ZHX2: variants seen among roughly 807,000 people sequenced by gnomAD.
The protein encoded by ZHX2 is zinc fingers and homeoboxes 2.
ZHX2 carries 6 observed loss-of-function variants against 21.9 expected under a neutral mutation model. The observed-to-expected ratio is 0.27, with a 90% CI of 0.15 to 0.54. The LOEUF (loss-of-function observed/expected upper bound fraction) is 0.54. Among genes scored for constraint, ZHX2 ranks in the 20% least tolerant of loss-of-function variants. The pLI is 0.95. For synonymous variants in ZHX2, 434 were observed against 437.1 expected (o/e 0.99, Z 0.09); for missense variants, 908 against 1,090.7 (o/e 0.83, Z 2.36).
At chr8:122,948,577 T>C (rs1361078132) in intron 2 of ZHX2, among the ~76,000 whole-genome samples, 1 of 152,136 alleles carries the variant, frequency 6.6e-6, no homozygotes, top group Non-Finnish European at 1.5e-5. Flanking sequence ...GATATAAAAA[T>C]GTACTCTAAA....
chr8:122,880,761 T>G (rs1236196394), intron 2 of ZHX2, among the ~76,000 whole-genome samples: 2 of 124,438 alleles, frequency 1.6e-5, no homozygotes. Flanking sequence ...GGCAACAGAG[T>G]GAGACTCCAC....
At position 122,952,670 on chromosome 8, in the gene ZHX2, C is replaced by A. The variant is rs370753355; in HGVS notation, c.1160C>A (p.Thr387Asn). ...ACTCAGGTGACCAGCGGGTCAACAA[C>A]CGTCTCTTGCTCCCCCATCACACTT... ...VLTQVTSGST[T>N]VSCSPITLAV... Residue 387 changes from threonine to asparagine, a missense_variant, in exon 3 of 4, where the codon ACC becomes AAC. Physicochemically the swap from Thr to Asn is moderately conservative, Grantham distance 65 (BLOSUM62 0). This residue lies in a region of ZHX2 where 232 missense variants were observed against 361.8 expected (regional missense o/e 0.64). Transcript: ENST00000314393. This position sits in a 1 kb window ranked among gnomAD's most constrained non-coding sequence, Gnocchi z 6.9. The A allele has an allele frequency of 1.4e-4, 226 of 1,614,200 alleles. 4 individuals carry two copies. In the South Asian group the frequency reaches 2.2e-3, roughly 15 times the overall value.
intron 1 of ZHX2, among the ~76,000 whole-genome samples, chr8:122,816,748 T>A (rs1411461598): frequency 6.6e-6 from 1 of 152,168 alleles, no homozygotes; most frequent in Non-Finnish European, 1.5e-5. Context: ...AATTATCATT[T>A]TAGAGATGAG....
upstream of ZHX2, chr8:122,780,844 C>T (rs535603011): frequency 6.6e-6 from 1 of 152,312 alleles, no homozygotes; most frequent in South Asian, 2.1e-4. Flanking sequence ...CGGGCTCTAC[C>T]AGAGTTTAAG....
At chr8:122,866,558 T>C (rs752185537) in intron 2 of ZHX2, among the ~76,000 whole-genome samples, 45 of 152,238 alleles carry the variant, frequency 3.0e-4, no homozygotes, top group Middle Eastern at 3.4e-3. Context: ...GCCTAGGGGA[T>C]CTAAAACTAT....
intron 2 of ZHX2, among the ~76,000 whole-genome samples, chr8:122,949,121 T>C (rs1414746919): frequency 1.3e-5 from 2 of 152,134 alleles, no homozygotes; most frequent in African/African-American, 4.8e-5. Flanking sequence ...GGTTAGGAGT[T>C]TGAGCCCAGC....
chr8:122,898,308 A>G (rs1455032836), intron 2 of ZHX2, among the ~76,000 whole-genome samples: 3 of 152,180 alleles, frequency 2.0e-5, no homozygotes, highest in Non-Finnish European at 2.9e-5. Context: ...AGCCTCAGGG[A>G]AAGTTGACGG....
At chr8:122,791,592 C>T (rs1817519849) in intron 1 of ZHX2, among the ~76,000 whole-genome samples, 2 of 152,052 alleles carry the variant, frequency 1.3e-5, no homozygotes, top group Admixed American at 6.6e-5. Flanking sequence ...GGGCCGGGTG[C>T]GGTGGCTCAC....
chr8:122,873,432 C>T (rs537548499), intron 2 of ZHX2, among the ~76,000 whole-genome samples: 3 of 152,160 alleles, frequency 2.0e-5, no homozygotes, highest in African/African-American at 7.2e-5. Flanking sequence ...CTCTCCACTC[C>T]CCTGCAGCCC....
chr8:122,951,984 C>A lies in ZHX2; in HGVS notation c.474C>A (p.Thr158=). The part of the protein sequence containing the change: ...NQTVLEQSIE[T]TNHVVSITTS... ...CTGTCTTGGAACAGTCCATCGAAAC[C>A]ACCAACCATGTCGTGTCCATCACCA... Residue 158 remains threonine (T), a synonymous_variant, in exon 3 of 4, where the codon ACC becomes ACA. Transcript: ENST00000314393. The A allele has an allele frequency of 1.2e-6, 2 of 1,613,858 alleles. No homozygotes were observed. The highest frequency in any genetic ancestry group is 1.7e-6 in the Non-Finnish European group (2 of 1,179,980).
chr8:122,938,971 A>G (rs539622013), intron 2 of ZHX2, among the ~76,000 whole-genome samples: 7 of 152,334 alleles, frequency 4.6e-5, no homozygotes, highest in Non-Finnish European at 7.3e-5. Context: ...TTGTCAACAG[A>G]GCTGGGAGGG....
intron 2 of ZHX2, among the ~76,000 whole-genome samples, chr8:122,910,734 CTGGGGGGTGGGGGG>C (rs1820458327): frequency 6.6e-6 from 1 of 151,018 alleles, no homozygotes; most frequent in African/African-American, 2.4e-5. Flanking sequence ...CAGGCCCCTG[CTGGGGGGTGGGGGG>C]TGGGGGGTGA....
At chr8:122,966,081 G>C (rs1045800264) in intron 3 of ZHX2, among the ~76,000 whole-genome samples, 6 of 152,142 alleles carry the variant, frequency 3.9e-5, no homozygotes, top group Non-Finnish European at 7.4e-5. Flanking sequence ...GCAGATACTT[G>C]GTTGGTAGAT....
At chr8:122,819,329 G>A (rs1370942466) in intron 1 of ZHX2, among the ~76,000 whole-genome samples, 1 of 152,212 alleles carries the variant, frequency 6.6e-6, no homozygotes, top group African/African-American at 2.4e-5. Flanking sequence ...AGCCTTATGA[G>A]ATGCTCCATG....
intron 2 of ZHX2, among the ~76,000 whole-genome samples, chr8:122,902,244 A>G (rs1200061194): frequency 6.6e-6 from 1 of 152,198 alleles, no homozygotes; most frequent in East Asian, 1.9e-4. Context: ...GCTGTTGAGG[A>G]TACAAAAATG....
intron 2 of ZHX2, among the ~76,000 whole-genome samples, chr8:122,916,055 G>A (rs1820593276): frequency 6.6e-6 from 1 of 152,204 alleles, no homozygotes; most frequent in African/African-American, 2.4e-5. Flanking sequence ...AGGGCAGATG[G>A]GCCTCTTGCC....
chr8:122,898,492 G>A (rs1017517640), intron 2 of ZHX2, among the ~76,000 whole-genome samples: 4 of 152,194 alleles, frequency 2.6e-5, no homozygotes, highest in African/African-American at 9.7e-5. Flanking sequence ...AAGTTTGCAT[G>A]CCTAAATTTC....
At chr8:122,811,350 C>T (rs556281519) in intron 1 of ZHX2, among the ~76,000 whole-genome samples, 1 of 152,274 alleles carries the variant, frequency 6.6e-6, no homozygotes, top group African/African-American at 2.4e-5. Flanking sequence ...CACTGCACTC[C>T]AGCCTGGGTG....
chr8:122,908,478 G>A (rs926434750), intron 2 of ZHX2, among the ~76,000 whole-genome samples: 1 of 152,174 alleles, frequency 6.6e-6, no homozygotes, highest in Non-Finnish European at 1.5e-5. Context: ...CCAAAATGCT[G>A]GGATTACAGG....
Sources: allele counts gnomAD v4.1 joint callset (sites outside exome capture counted in the v4.1 genomes callset), GRCh38; gene constraint gnomAD v4.1.1; regional missense constraint gnomAD v4.1.1; non-coding constraint Gnocchi (gnomAD v3.1); transcripts MANE v1.5; gene names NCBI Gene and HGNC (gene_info 2026-07-23, HGNC 2026-07-21).